LINGO2: variants seen among roughly 807,000 people sequenced by gnomAD.
The protein encoded by LINGO2 is leucine-rich repeat and immunoglobulin-like domain-containing nogo receptor-interacting protein 2.
In LINGO2, 14 loss-of-function variants were observed where a neutral mutation model predicts 30.6. The ratio of observed to expected loss-of-function variants is 0.46; its 90% CI spans 0.30 to 0.72. LINGO2 has a LOEUF of 0.72. Ranked by LOEUF, LINGO2 falls within the 30% of genes least tolerant of loss-of-function variation. The pLI is 0.07. For synonymous variants in LINGO2, 317 were observed against 288.5 expected (o/e 1.10, Z -1.00); for missense variants, 729 against 751.7 (o/e 0.97, Z 0.35).
chr9:28,471,246 A>T (rs546282946), intron 2 of LINGO2, among the ~76,000 whole-genome samples: 1 of 152,306 alleles, frequency 6.6e-6, no homozygotes, highest in Admixed American at 6.5e-5. Flanking sequence ...GGGAGGTCCA[A>T]GTGCATACTA....
intron 1 of LINGO2, among the ~76,000 whole-genome samples, chr9:28,612,018 C>T (rs1393009001): frequency 6.6e-6 from 1 of 151,860 alleles, no homozygotes; most frequent in Non-Finnish European, 1.5e-5. Flanking sequence ...GACAGGGTTC[C>T]TCGGCCTCCC....
chr9:28,882,379 C>T, the LINGO2 span, among the ~76,000 whole-genome samples: 12 of 152,100 alleles, frequency 7.9e-5, no homozygotes. Context: ...CCAGCTCTGC[C>T]ATTTGCTAGT....
chr9:27,991,800 G>A (rs1302078566), intron 5 of LINGO2, among the ~76,000 whole-genome samples: 1 of 152,060 alleles, frequency 6.6e-6, no homozygotes, highest in East Asian at 1.9e-4. Flanking sequence ...AGTCCTGGTA[G>A]GTGTTTGCAT....
At chr9:29,075,707 C>A in the LINGO2 span, among the ~76,000 whole-genome samples, 1 of 151,988 alleles carries the variant, frequency 6.6e-6, no homozygotes, top group South Asian at 2.1e-4. Flanking sequence ...CAGTTGTATG[C>A]TTCGAAGAGA....
At chr9:28,988,494 A>T in the LINGO2 span, among the ~76,000 whole-genome samples, 4 of 151,514 alleles carry the variant, frequency 2.6e-5, no homozygotes, top group African/African-American at 9.7e-5. Context: ...TGGTCACTCT[A>T]TGTCTTTTAT....
At chr9:28,993,124 C>G in the LINGO2 span, among the ~76,000 whole-genome samples, 17 of 151,952 alleles carry the variant, frequency 1.1e-4, no homozygotes, top group African/African-American at 3.6e-4. Context: ...GCTAGCAAGA[C>G]TAATAAAGAA....
Position 28,661,390 on chromosome 9 carries a change from G to A in LINGO2, c.-365+8810C>T, listed in dbSNP as rs1051830088. ...TACAGTTGACTTCATGTGAGTAAGT[G>A]AGCTCAGGTACAATACTGAATCTAG... On this transcript the variant is annotated intron_variant, in intron 1 of 5. Transcript: ENST00000379992. 7.9e-5 allele frequency among the ~76,000 whole-genome samples: 12 copies of A among 152,200 alleles called. No homozygotes were observed. The South Asian group carries it at 2.5e-3, about 32-fold the overall frequency.
At chr9:27,978,196 G>A (rs16912190) in intron 5 of LINGO2, among the ~76,000 whole-genome samples, 7,282 of 152,076 alleles carry the variant, frequency 0.048, 345 homozygotes, top group African/African-American at 0.1. Context: ...TGAATTCTAA[G>A]AACTTTTAAG....
chr9:28,321,119 A>C (rs1825025801), intron 3 of LINGO2, among the ~76,000 whole-genome samples: 1 of 152,124 alleles, frequency 6.6e-6, no homozygotes, highest in Non-Finnish European at 1.5e-5. Context: ...ATCCCATTGA[A>C]ATTAAAACAC....
At chr9:28,956,766 T>C in the LINGO2 span, among the ~76,000 whole-genome samples, 10 of 126,548 alleles carry the variant, frequency 7.9e-5, no homozygotes, top group East Asian at 2.8e-3. Flanking sequence ...CCCCTCCCCT[T>C]CCCTTCTCCT....
At chr9:28,891,061 ATTTG>A in the LINGO2 span, among the ~76,000 whole-genome samples, 1 of 152,090 alleles carries the variant, frequency 6.6e-6, no homozygotes, top group South Asian at 2.1e-4. Context: ...AACGTAGGTT[ATTTG>A]TGGCAAATGC....
chr9:29,034,392 T>G, the LINGO2 span, among the ~76,000 whole-genome samples: 1 of 152,148 alleles, frequency 6.6e-6, no homozygotes, highest in Non-Finnish European at 1.5e-5. Flanking sequence ...TTTAATAACC[T>G]AGCTAGATCA....
the LINGO2 span, among the ~76,000 whole-genome samples, chr9:29,055,956 A>ACATATATGTATATATATATG: frequency 6.7e-6 from 1 of 149,902 alleles, no homozygotes; most frequent in African/African-American, 2.4e-5. Context: ...ATACATATAT[A>ACATATATGTATATATATATG]TGTACATGTA....
At chr9:28,814,203 C>T in the LINGO2 span, among the ~76,000 whole-genome samples, 1 of 152,106 alleles carries the variant, frequency 6.6e-6, no homozygotes, top group African/African-American at 2.4e-5. Flanking sequence ...CTTTGGGAGG[C>T]CAAGGCAGGC....
At chr9:28,993,351 C>G in the LINGO2 span, among the ~76,000 whole-genome samples, 1 of 152,108 alleles carries the variant, frequency 6.6e-6, no homozygotes, top group Non-Finnish European at 1.5e-5. Flanking sequence ...CAATAACTGG[C>G]TCTGAAATTG....
intron 4 of LINGO2, among the ~76,000 whole-genome samples, chr9:28,215,823 T>G (rs1044237711): frequency 6.6e-6 from 1 of 151,850 alleles, no homozygotes; most frequent in Non-Finnish European, 1.5e-5. Context: ...TCTGTGCACC[T>G]GTCGGTTGGC....
intron 4 of LINGO2, among the ~76,000 whole-genome samples, chr9:28,275,482 G>T (rs1823085117): frequency 6.6e-6 from 1 of 151,928 alleles, no homozygotes; most frequent in Non-Finnish European, 1.5e-5. Flanking sequence ...TCTTTTGCTG[G>T]CCTCATCCTC....
intron 4 of LINGO2, among the ~76,000 whole-genome samples, chr9:28,212,191 A>G (rs1344993756): frequency 6.6e-6 from 1 of 151,528 alleles, no homozygotes; most frequent in Non-Finnish European, 1.5e-5. Flanking sequence ...AAATAAGTCA[A>G]TATGTATGAA....
chr9:29,129,595 C>T, the LINGO2 span, among the ~76,000 whole-genome samples: 1 of 152,000 alleles, frequency 6.6e-6, no homozygotes, highest in African/African-American at 2.4e-5. Flanking sequence ...TTCTAGTTGA[C>T]ACATGGTTCT....
Sources: gnomAD v4.1 joint callset for allele counts (sites outside exome capture counted in the v4.1 genomes callset) on GRCh38, gnomAD v4.1.1 for gene constraint, MANE v1.5 for transcripts, NCBI Gene and HGNC (gene_info 2026-07-23, HGNC 2026-07-21) for gene names.